The following RASGEF1C variants were observed in gnomAD, a reference collection of about 807,000 sequenced individuals.
RASGEF1C encodes the protein RasGEF domain family member 1C.
In RASGEF1C, 27 loss-of-function variants were observed where a neutral mutation model predicts 58.1. The observed-to-expected ratio is 0.46, with a 90% CI of 0.34 to 0.64. RASGEF1C has a LOEUF of 0.64. Among genes scored for constraint, RASGEF1C ranks in the 30% least tolerant of loss-of-function variants. The pLI, the probability that RASGEF1C is intolerant of heterozygous loss-of-function variation, is 0.01. For missense variants in RASGEF1C, 502 were observed against 605.1 expected (o/e 0.83, Z 1.79); for synonymous variants, 243 against 246.3 (o/e 0.99, Z 0.13).
At chr5:180,141,162 C>T (rs1261765995) in intron 1 of RASGEF1C, among the ~76,000 whole-genome samples, 1 of 152,226 alleles carries the variant, frequency 6.6e-6, no homozygotes. Context: ...TGTCCACACT[C>T]CCCCGCACTG....
At chr5:180,189,698 G>A (rs1756109441) in intron 1 of RASGEF1C, among the ~76,000 whole-genome samples, 1 of 151,374 alleles carries the variant, frequency 6.6e-6, no homozygotes, top group African/African-American at 2.4e-5. Flanking sequence ...AAGGCAGGTG[G>A]ATCACCTGAG....
rs566868400 is a variant in RASGEF1C, at chr5:180,171,121, C to A, written c.-6-33063G>T. Among the ~76,000 whole-genome samples the A allele has an allele frequency of 7.9e-5, 12 of 152,288 alleles. No homozygotes were observed. The South Asian group carries it at 2.5e-3, about 32-fold the overall frequency. ...ATCCAGGCATCCTGTGGCCTTCCCCCAGCCCAGGAGTGGGACCCCCGAGGG... is the reference window on the plus strand; with the variant it reads ...ATCCAGGCATCCTGTGGCCTTCCCCAAGCCCAGGAGTGGGACCCCCGAGGG... On this transcript the variant is annotated intron_variant, in intron 1 of 13. Coordinates refer to ENST00000361132, the MANE Select transcript of RASGEF1C (RefSeq NM_175062.4).
intron 1 of RASGEF1C, among the ~76,000 whole-genome samples, chr5:180,142,218 G>A (rs1046618923): frequency 1.1e-4 from 17 of 152,126 alleles, no homozygotes; most frequent in Admixed American, 9.8e-4. Flanking sequence ...CGTGGGGCTC[G>A]GTGTGTGTGA....
chr5:180,152,025 T>G (rs1366091083), intron 1 of RASGEF1C, among the ~76,000 whole-genome samples: 2 of 149,476 alleles, frequency 1.3e-5, no homozygotes, highest in Non-Finnish European at 3.0e-5. Flanking sequence ...TGAGATACCA[T>G]CTCACACCAG....
At chr5:180,195,745 A>T (rs1756262615) in intron 1 of RASGEF1C, among the ~76,000 whole-genome samples, 2 of 151,862 alleles carry the variant, frequency 1.3e-5, no homozygotes, top group Non-Finnish European at 2.9e-5. Context: ...AGCCTGGGCG[A>T]CAGAGCGAGA....
intron 4 of RASGEF1C, among the ~76,000 whole-genome samples, chr5:180,129,718 C>G (rs1247202243): frequency 6.6e-6 from 1 of 152,230 alleles, no homozygotes; most frequent in Non-Finnish European, 1.5e-5. Flanking sequence ...TCAAGGTGCG[C>G]CATCGCTGGG....
chr5:180,204,749 A>G (rs1326301755), intron 1 of RASGEF1C, among the ~76,000 whole-genome samples: 1 of 152,210 alleles, frequency 6.6e-6, no homozygotes, highest in Non-Finnish European at 1.5e-5. Context: ...GGAACAAGGT[A>G]AGGAGGCCCA....
intron 6 of RASGEF1C, 111 bp downstream of exon 6, chr5:180,127,497 TC>T: frequency 9.7e-7 from 1 of 1,033,510 alleles, no homozygotes; most frequent in Non-Finnish European, 1.4e-6. Flanking sequence ...AGCCCACCTG[TC>T]CCACTCTGGG....
chr5:180,112,966 G>A (rs1416694931), intron 11 of RASGEF1C, among the ~76,000 whole-genome samples: 2 of 148,162 alleles, frequency 1.3e-5, no homozygotes, highest in African/African-American at 5.0e-5. Flanking sequence ...GAGGGACCGG[G>A]GATGGACGGA....
chr5:180,189,509 C>T (rs1187650173), intron 1 of RASGEF1C, among the ~76,000 whole-genome samples: 2 of 152,320 alleles, frequency 1.3e-5, no homozygotes, highest in African/African-American at 4.8e-5. Context: ...GGAGTAAGGA[C>T]ATCAAGATTG....
At position 180,175,824 on chromosome 5, in the gene RASGEF1C, T is replaced by C. The variant is rs559779517; in HGVS notation, c.-7+33204A>G. On this transcript the variant is annotated intron_variant, in intron 1 of 13. Transcript: ENST00000361132. Reference sequence around the variant, plus strand: ...CCATCCTGGCTAACCCCGTCTCTAGTAAAAATATAAAAAATTAGCCGGGCG... The same window carrying C: ...CCATCCTGGCTAACCCCGTCTCTAGCAAAAATATAAAAAATTAGCCGGGCG... 1.4e-4 allele frequency among the ~76,000 whole-genome samples: 22 copies of C among 152,036 alleles called. 2 individuals carry two copies. The South Asian group carries it at 4.4e-3, about 30-fold the overall frequency.
intron 1 of RASGEF1C, among the ~76,000 whole-genome samples, chr5:180,146,069 A>AT (rs1306769425): frequency 6.6e-6 from 1 of 152,148 alleles, no homozygotes; most frequent in African/African-American, 2.4e-5. Flanking sequence ...CAATTCGTCT[A>AT]TTTTTGTCTT....
At chr5:180,207,546 C>G (rs1424953915) in intron 1 of RASGEF1C, among the ~76,000 whole-genome samples, 1 of 152,124 alleles carries the variant, frequency 6.6e-6, no homozygotes, top group African/African-American at 2.4e-5. Flanking sequence ...GGCCAGGTCC[C>G]GGGCAGGGCC....
At chr5:180,103,848 CCTT>C (rs1207368943) in intron 12 of RASGEF1C, among the ~76,000 whole-genome samples, 6 of 152,138 alleles carry the variant, frequency 3.9e-5, no homozygotes, top group African/African-American at 1.2e-4. Context: ...TGATAAATTC[CCTT>C]CTATTACTAG....
chr5:180,159,206 C>T (rs1268705405), intron 1 of RASGEF1C, among the ~76,000 whole-genome samples: 2 of 151,042 alleles, frequency 1.3e-5, no homozygotes, highest in African/African-American at 4.9e-5. Context: ...ACGGCGCGAT[C>T]TCGGCTCACT....
rs189746137 is a variant in RASGEF1C at position 180,187,681 on chromosome 5, G to A, written c.-7+21347C>T. Among the ~76,000 whole-genome samples the A allele has an allele frequency of 4.5e-3, 681 of 152,116 alleles. 6 individuals are homozygous for A. Among genetic ancestry groups the A allele is most frequent in the Non-Finnish European group, 7.6e-3 (515 of 67,998 alleles). ...AAATAACCCAATTTTTTAAGAAGCAGGCAAAATACTTGAATAGACATTTTT... is the reference window on the plus strand; with the variant it reads ...AAATAACCCAATTTTTTAAGAAGCAAGCAAAATACTTGAATAGACATTTTT... On this transcript the variant is annotated intron_variant, in intron 1 of 13. Coordinates refer to ENST00000361132, the MANE Select transcript of RASGEF1C (RefSeq NM_175062.4).
intron 1 of RASGEF1C, among the ~76,000 whole-genome samples, chr5:180,189,148 A>C (rs1756100961): frequency 6.6e-6 from 1 of 152,252 alleles, no homozygotes; most frequent in Non-Finnish European, 1.5e-5. Context: ...TCTACCTATC[A>C]GCAACAAAAT....
chr5:180,114,377 C>T, intron 11 of RASGEF1C, 69 bp downstream of exon 11: 1 of 1,476,906 alleles, frequency 6.8e-7, no homozygotes, highest in African/African-American at 1.4e-5. Flanking sequence ...TGTCCAAGGG[C>T]CAGTGGTCCT....
At chr5:180,153,391 T>C (rs1398660764) in intron 1 of RASGEF1C, among the ~76,000 whole-genome samples, 1 of 152,234 alleles carries the variant, frequency 6.6e-6, no homozygotes, top group African/African-American at 2.4e-5. Context: ...GCTGCTACCA[T>C]GTTAAGAGCT....
Sources: allele counts gnomAD v4.1 joint callset (sites outside exome capture counted in the v4.1 genomes callset), GRCh38; gene constraint gnomAD v4.1.1; transcripts MANE v1.5; gene names NCBI Gene and HGNC (gene_info 2026-07-23, HGNC 2026-07-21).